Variants in ULK1 observed in about 807,000 individuals in gnomAD.
The protein encoded by ULK1 is serine/threonine-protein kinase ULK1.
A neutral mutation model predicts 117.5 loss-of-function variants in ULK1; 48 were observed. The observed-to-expected ratio is 0.41, with a 90% CI of 0.32 to 0.52. ULK1 has a LOEUF of 0.52. ULK1 is among the 20% of genes least tolerant of loss of function. The pLI is 0.29. For synonymous variants in ULK1, 790 were observed against 637.8 expected, an observed-to-expected ratio of 1.24 and a Z score of -3.60; for missense variants, 1,387 against 1,473.4, an observed-to-expected ratio of 0.94 and a Z score of 0.96.
chr12:131,899,765 C>T (rs1221008217), intron 3 of ULK1, among the ~76,000 whole-genome samples: 1 of 152,184 alleles, frequency 6.6e-6, no homozygotes, highest in African/African-American at 2.4e-5. Flanking sequence ...GATCCTAGCT[C>T]CAACATTTAC....
In ULK1 at chr12:131,917,021, C is replaced by T. The variant is rs11546871; in HGVS notation, c.2141C>T (p.Pro714Leu). ...KAAFGTQAPD[P>L]GSTESLQEKP... ...GCGTTTGGGACACAAGCCCCGGACCCGGGCAGCACGGAGAGCCTGCAGGAG... is the reference window on the plus strand; with the variant it reads ...GCGTTTGGGACACAAGCCCCGGACCTGGGCAGCACGGAGAGCCTGCAGGAG... Residue 714 changes from proline (P) to leucine (L), a missense_variant, in exon 21 of 28, where the codon CCG becomes CTG. Pro to Leu is a moderately conservative substitution (Grantham distance 98). Coordinates refer to ENST00000321867, the MANE Select transcript of ULK1 (RefSeq NM_003565.4). The T allele has an allele frequency of 0.3, 429,327 of 1,432,366 alleles. 65,070 individuals carry two copies. The highest frequency in any genetic ancestry group is 0.38 in the Middle Eastern group (2,065 of 5,386). The allele number at this position is 1,432,366 out of a possible 1,614,324, so 88.7% of individuals were successfully genotyped here. A position where few individuals can be genotyped will look rare whatever the true frequency, so the allele number is the denominator to read the frequency against.
chr12:131,920,910 C>A, intron 26 of ULK1, 190 bp from the exon 27 acceptor site: 1 of 780,236 alleles, frequency 1.3e-6, no homozygotes, highest in Non-Finnish European at 2.0e-6. Flanking sequence ...CATCTGGTTC[C>A]AGGCAGTGTC....
In ULK1 at chr12:131,919,254, C is replaced by T; in HGVS notation, c.2554C>T (p.Leu852=). The T allele has an allele frequency of 6.3e-7, 1 of 1,598,278 alleles. No homozygotes were observed. The part of the protein sequence containing the change: ...EILRGLRFTL[L]FVQHVLEIAA... The stretch of plus-strand genomic sequence containing the variant: ...CCTGCGTGGCCTGCGCTTCACGCTG[C>T]TGTTCGTGCAGCACGTCCTGGAGAT... Residue 852 remains leucine (L), a synonymous_variant, in exon 24 of 28, where the codon CTG becomes TTG. Coordinates refer to ENST00000321867, the MANE Select transcript of ULK1 (RefSeq NM_003565.4).
chr12:131,910,008 A>G lies in ULK1; in HGVS notation c.808+7A>G. On this transcript the variant is annotated splice_region_variant and intron_variant, in intron 10 of 27. Coordinates refer to ENST00000321867, the MANE Select transcript of ULK1 (RefSeq NM_003565.4). ...AAGGACCGCATGGACTTCGGTGAGC[A>G]CCCACCAGGGGCGCAGCTGGAGTCC... is the stretch of plus-strand genomic sequence containing the variant. 6.2e-7 allele frequency: 1 copy of G among 1,611,378 alleles called. No homozygotes were observed.
Position 131,919,313 on chromosome 12 carries a change from G to A in ULK1, c.2613G>A (p.Ala871=), listed in dbSNP as rs565929592. 18 of 1,588,496 alleles carry A rather than the reference G, an allele frequency of 1.1e-5. No individual in the cohort carries two copies. The highest frequency in any genetic ancestry group is 1.3e-5 in the Non-Finnish European group (15 of 1,170,192). Reference sequence around the variant, plus strand: ...TGAAGGGCAGCGCCAGTGAGGCGGCGGGGGGCCCTGAGTACCAGCTGCAGG... The same window carrying A: ...TGAAGGGCAGCGCCAGTGAGGCGGCAGGGGGCCCTGAGTACCAGCTGCAGG... ...AALKGSASEA[A]GGPEYQLQES... Residue 871 remains alanine (A), a synonymous_variant, in exon 24 of 28, where the codon GCG becomes GCA. Coordinates refer to ENST00000321867, the MANE Select transcript of ULK1 (RefSeq NM_003565.4).
At chr12:131,910,189 G>A in intron 10 of ULK1, 65 bp from the exon 11 acceptor site, 1 of 1,602,522 alleles carries the variant, frequency 6.2e-7, no homozygotes, top group South Asian at 1.1e-5. Flanking sequence ...CAGGCCGTGG[G>A]GAGGCAGGGG....
intron 26 of ULK1, chr12:131,920,615 G>A (rs752135267): frequency 1.0e-5 from 2 of 190,752 alleles, no homozygotes; most frequent in Non-Finnish European, 2.2e-5. Flanking sequence ...CTGTTGCCCA[G>A]GCTGAAGTGT....
At chr12:131,912,377 G>C (rs559975766) in intron 13 of ULK1, among the ~76,000 whole-genome samples, 1 of 152,320 alleles carries the variant, frequency 6.6e-6, no homozygotes, top group South Asian at 2.1e-4. Context: ...CTCACCTCAT[G>C]CCCCTCCCCC....
intron 4 of ULK1, 32 bp downstream of exon 4, chr12:131,906,956 G>C (rs1434823953): frequency 1.2e-6 from 2 of 1,614,014 alleles, no homozygotes; most frequent in Non-Finnish European, 1.7e-6. Context: ...GACAAGTGCA[G>C]GCTGATGGCC....
intron 20 of ULK1, 91 bp from the exon 21 acceptor site, chr12:131,916,862 T>G (rs1426399962): frequency 8.3e-7 from 1 of 1,199,384 alleles, no homozygotes; most frequent in Non-Finnish European, 1.2e-6. Context: ...AGACCGTGCA[T>G]CATGTGTGTC....
chr12:131,906,137 A>G (rs988115558), intron 3 of ULK1, among the ~76,000 whole-genome samples: 26 of 151,798 alleles, frequency 1.7e-4, no homozygotes, highest in African/African-American at 5.8e-4. Context: ...TCTCTCGCCC[A>G]GGCTGGAGTG....
intron 8 of ULK1, 89 bp from the exon 9 acceptor site, chr12:131,909,686 G>A: frequency 6.6e-6 from 9 of 1,357,088 alleles, no homozygotes; most frequent in East Asian, 2.6e-5. Flanking sequence ...TCTGGGGCAG[G>A]GGCCGACTGG....
chr12:131,908,777 C>A lies in ULK1; in HGVS notation c.450C>A (p.Ala150=). The change falls in exon 6 of 28, where the codon GCC becomes GCA. Residue 150 remains alanine, a synonymous_variant. Transcript: ENST00000321867. ...KPQNILLSNP[A]GRRANPNSIR... ...AGAACATCCTGCTGTCCAACCCCGCCGGCCGCCGCGCCAACCCCAACAGCA... is the reference window on the plus strand; with the variant it reads ...AGAACATCCTGCTGTCCAACCCCGCAGGCCGCCGCGCCAACCCCAACAGCA... 1 of 1,607,284 alleles carries A rather than the reference C, an allele frequency of 6.2e-7. No individual in the cohort carries two copies. The highest frequency in any genetic ancestry group is 8.5e-7 in the Non-Finnish European group (1 of 1,177,852).
At chr12:131,912,964 T>TAAGC (rs1889605700) in intron 13 of ULK1, among the ~76,000 whole-genome samples, 1 of 152,182 alleles carries the variant, frequency 6.6e-6, no homozygotes, top group Non-Finnish European at 1.5e-5. Context: ...AGAGTCCAAG[T>TAAGC]GGGGATAAGC....
chr12:131,917,097 T>TTGGAGGCTGTGGGAC, intron 21 of ULK1, 35 bp downstream of exon 21: 1 of 441,858 alleles, frequency 2.3e-6, no homozygotes, highest in Non-Finnish European at 3.5e-6. Flanking sequence ...GGCTGTGGGA[T>TTGGAGGCTGTGGGAC]GGGGGTCGGA....
At position 131,909,958 on chromosome 12, in the gene ULK1, C is replaced by T. The variant is rs201521909; in HGVS notation, c.765C>T (p.Leu255=). The T allele has an allele frequency of 2.5e-5, 41 of 1,612,142 alleles. No homozygotes were observed. In the East Asian group the frequency reaches 5.3e-4, roughly 21 times the overall value. The change falls in exon 10 of 28, where the codon CTC becomes CTT. Residue 255 remains leucine, a synonymous_variant. Transcript: ENST00000321867. The part of the protein sequence containing the change: ...RETSAPLRQL[L]LALLQRNHKD... ...CCTCGGCCCCGCTGCGGCAGCTGCT[C>T]CTGGCCCTACTGCAACGCAACCACA... is the stretch of plus-strand genomic sequence containing the variant.
At chr12:131,901,482 G>C (rs1165242745) in intron 3 of ULK1, among the ~76,000 whole-genome samples, 1 of 152,160 alleles carries the variant, frequency 6.6e-6, no homozygotes, top group Non-Finnish European at 1.5e-5. Flanking sequence ...CCCGCGTCCC[G>C]GGCCGCTCTC....
Position 131,919,482 on chromosome 12 carries a change from C to T in ULK1, c.2695C>T (p.Gln899Ter). The change falls in exon 25 of 28, where the codon CAG (glutamine) becomes TAG (stop). Residue 899 changes from glutamine (Q) to a stop codon, truncating the protein, a stop_gained. Transcript: ENST00000321867. LOFTEE classifies it high-confidence loss of function. The stretch of plus-strand genomic sequence containing the variant: ...GCCTGCCGCCCCCAGCTTCGCGGAA[C>T]AGCTGGTGCTGTACCTGAAGGTGGC... ...LLSREWGFAE[Q>*]LVLYLKVAEL... is the part of the protein sequence containing the mutation. 6.2e-7 allele frequency: 1 copy of T among 1,610,972 alleles called. No homozygotes were observed.
At chr12:131,910,107 G>T in intron 10 of ULK1, 106 bp downstream of exon 10, 2 of 1,561,828 alleles carry the variant, frequency 1.3e-6, no homozygotes, top group South Asian at 2.2e-5. Context: ...TGTGCACACT[G>T]CCCTTTCCAC....
Sources: gnomAD v4.1 joint callset for allele counts (sites outside exome capture counted in the v4.1 genomes callset) on GRCh38, gnomAD v4.1.1 for gene constraint, MANE v1.5 for transcripts, NCBI Gene and HGNC (gene_info 2026-07-23, HGNC 2026-07-21) for gene names.